The following PSMB7 variants were observed in gnomAD, a reference collection of about 807,000 sequenced individuals.
PSMB7 encodes proteasome subunit beta type-7.
PSMB7 carries 5 observed loss-of-function variants against 28.1 expected under a neutral mutation model. The observed-to-expected ratio is 0.18, with a 90% CI of 0.09 to 0.37. The LOEUF is 0.37. Ranked by LOEUF, PSMB7 falls within the 10% of genes least tolerant of loss-of-function variation. The pLI is 1.00. For missense variants in PSMB7, 275 were observed against 346.2 expected (o/e 0.79, Z 1.63); for synonymous variants, 122 against 123.7 (o/e 0.99, Z 0.09).
At chr9:124,407,267 A>C (rs1407895728) in intron 4 of PSMB7, among the ~76,000 whole-genome samples, 1 of 152,238 alleles carries the variant, frequency 6.6e-6, no homozygotes, top group African/African-American at 2.4e-5. Flanking sequence ...AGTAAACAGA[A>C]CAGTGGTCCA....
At chr9:124,405,103 C>T (rs1038559594) in intron 5 of PSMB7, among the ~76,000 whole-genome samples, 3 of 152,036 alleles carry the variant, frequency 2.0e-5, no homozygotes, top group African/African-American at 4.8e-5. Context: ...ACAAAATCCT[C>T]GAGAGCAGGA....
intron 6 of PSMB7, among the ~76,000 whole-genome samples, chr9:124,369,628 A>G (rs1472464968): frequency 6.6e-6 from 1 of 152,118 alleles, no homozygotes; most frequent in Non-Finnish European, 1.5e-5. Context: ...CGCCCAGACA[A>G]CTTTAGACAC....
intron 6 of PSMB7, among the ~76,000 whole-genome samples, chr9:124,362,750 T>C (rs1041012): frequency 0.067 from 10,239 of 152,146 alleles, 949 homozygotes; most frequent in East Asian, 0.45. Flanking sequence ...TTTGAGGTAA[T>C]GCATGTTAAT....
intron 7 of PSMB7, among the ~76,000 whole-genome samples, chr9:124,355,385 ACTCCTGCGCTCAGCACAGGTT>A (rs1400406960): frequency 6.6e-6 from 1 of 151,964 alleles, no homozygotes; most frequent in African/African-American, 2.4e-5. Context: ...GTGGATGAGG[ACTCCTGCGCTCAGCACAGGTT>A]CCCTAGGCAA....
intron 6 of PSMB7, among the ~76,000 whole-genome samples, chr9:124,380,535 T>C (rs551776325): frequency 4.6e-5 from 7 of 152,248 alleles, no homozygotes; most frequent in South Asian, 4.1e-4. Flanking sequence ...AGCAAGATCC[T>C]GTCTTAAAAA....
intron 6 of PSMB7, among the ~76,000 whole-genome samples, chr9:124,367,150 A>G (rs1830516523): frequency 6.6e-6 from 1 of 152,166 alleles, no homozygotes. Flanking sequence ...GCCAGGGAGG[A>G]GGATCAGCAG....
intron 2 of PSMB7, among the ~76,000 whole-genome samples, chr9:124,414,227 C>T (rs995068289): frequency 6.6e-6 from 1 of 152,124 alleles, no homozygotes; most frequent in African/African-American, 2.4e-5. Flanking sequence ...AGAATTATTC[C>T]CATTTTCAAG....
At position 124,414,918 on chromosome 9, in the gene PSMB7, G is replaced by C. The variant is rs559426068; in HGVS notation, c.80C>G (p.Ala27Gly). 75 of 1,612,596 alleles carry C rather than the reference G, an allele frequency of 4.7e-5. 2 individuals carry two copies. The South Asian group carries it at 8.0e-4, about 17-fold the overall frequency. The change falls in exon 2 of 8, where the codon GCC becomes GGC. Residue 27 changes from alanine (A) to glycine (G), a missense_variant. Physicochemically the swap from Ala to Gly is moderately conservative, Grantham distance 60. Around this residue, in one of 2 missense-constraint regions of PSMB7, gnomAD observed 62 missense variants for 43.9 expected, o/e 1.41. Transcript: ENST00000259457. Reference protein sequence around the residue: ...DNCRRNAVLEADFAKRGYKLP... With the variant: ...DNCRRNAVLEGDFAKRGYKLP... ...CTTGTATCCCCTCTTTGCAAAATCGGCTTCCAAGACGGCATTCCTAAGAGC... is the reference window on the plus strand; with the variant it reads ...CTTGTATCCCCTCTTTGCAAAATCGCCTTCCAAGACGGCATTCCTAAGAGC...
chr9:124,384,807 G>T, intron 5 of PSMB7, 151 bp from the exon 6 acceptor site: 1 of 635,024 alleles, frequency 1.6e-6, no homozygotes, highest in Non-Finnish European at 2.6e-6. Flanking sequence ...ACATAAACCA[G>T]GTAAAAACAG....
At chr9:124,410,853 T>C (rs971680573) in intron 4 of PSMB7, among the ~76,000 whole-genome samples, 2 of 152,156 alleles carry the variant, frequency 1.3e-5, no homozygotes, top group Non-Finnish European at 2.9e-5. Context: ...AACAGTGAAG[T>C]GAGCCAGGCA....
chr9:124,400,464 C>T (rs973910345), intron 5 of PSMB7, among the ~76,000 whole-genome samples: 3 of 152,188 alleles, frequency 2.0e-5, no homozygotes, highest in Admixed American at 6.5e-5. Flanking sequence ...TGCCTCTGTC[C>T]GGAGAATTCC....
At chr9:124,400,364 G>A (rs1034071195) in intron 5 of PSMB7, among the ~76,000 whole-genome samples, 4 of 152,202 alleles carry the variant, frequency 2.6e-5, no homozygotes, top group Non-Finnish European at 5.9e-5. Context: ...GTATAAACTC[G>A]TGCCAGCTTT....
intron 6 of PSMB7, among the ~76,000 whole-genome samples, chr9:124,359,404 G>A (rs1366611228): frequency 6.6e-6 from 1 of 152,144 alleles, no homozygotes; most frequent in Non-Finnish European, 1.5e-5. Context: ...GCACTCTAAC[G>A]TGCCAAGCCC....
chr9:124,380,134 C>A (rs904969044), intron 6 of PSMB7, among the ~76,000 whole-genome samples: 3 of 152,164 alleles, frequency 2.0e-5, no homozygotes, highest in African/African-American at 7.2e-5. Context: ...GAGTCCACGG[C>A]GAGCCAGTGC....
intron 6 of PSMB7, among the ~76,000 whole-genome samples, chr9:124,370,515 C>T (rs79857862): frequency 3.4e-5 from 4 of 117,122 alleles, no homozygotes; most frequent in East Asian, 5.1e-4. Flanking sequence ...TGCTGACTTT[C>T]CCCCCTTGAG....
chr9:124,407,818 A>G (rs567017005), intron 4 of PSMB7, among the ~76,000 whole-genome samples: 1 of 152,286 alleles, frequency 6.6e-6, no homozygotes, highest in African/African-American at 2.4e-5. Flanking sequence ...GGCTAAACTG[A>G]TCCAACTGTA....
chr9:124,378,559 G>A (rs1019617397), intron 6 of PSMB7, among the ~76,000 whole-genome samples: 4 of 152,132 alleles, frequency 2.6e-5, no homozygotes, highest in African/African-American at 4.8e-5. Context: ...AGCAGCCCTC[G>A]CAAGATATTC....
chr9:124,412,481 GCAC>G lies in PSMB7; in HGVS notation c.263_265del (p.Gly88del), dbSNP rs1280187762. ...CATGTCTGTGTCTGCAGCTGTCCCA[GCAC>G]CACAACAACTGAAAAATCCAATTAG... is the stretch of plus-strand genomic sequence containing the variant. On this transcript the variant is annotated inframe_deletion, in exon 4 of 8. Transcript: ENST00000259457. 6.2e-7 allele frequency: 1 copy of G among 1,613,536 alleles called. No homozygotes were observed. The highest frequency in any genetic ancestry group is 8.5e-7 in the Non-Finnish European group (1 of 1,179,866).
chr9:124,376,658 T>A (rs185089341), intron 6 of PSMB7, among the ~76,000 whole-genome samples: 2 of 152,320 alleles, frequency 1.3e-5, no homozygotes, highest in African/African-American at 4.8e-5. Context: ...CCCAGTCTTG[T>A]TAAAGAATTA....
Sources: gnomAD v4.1 joint callset for allele counts (sites outside exome capture counted in the v4.1 genomes callset) on GRCh38, gnomAD v4.1.1 for gene constraint, gnomAD v4.1.1 regional missense constraint, MANE v1.5 for transcripts, NCBI Gene and HGNC (gene_info 2026-07-23, HGNC 2026-07-21) for gene names.